Variants in EHMT2 observed in about 807,000 individuals in gnomAD.
EHMT2 encodes the protein euchromatic histone lysine methyltransferase 2, also known as histone-lysine N-methyltransferase EHMT2.
Under a neutral mutation model 143.3 loss-of-function variants are expected in EHMT2, and 59 were observed. The observed-to-expected ratio is 0.41, with a 90% CI of 0.33 to 0.51. The LOEUF is 0.51. Among genes scored for constraint, EHMT2 ranks in the 20% least tolerant of loss-of-function variants. EHMT2 has a pLI of 0.18. For missense variants in EHMT2, 1,174 were observed against 1,645.9 expected (o/e 0.71, Z 4.96); for synonymous variants, 604 against 651.5 (o/e 0.93, Z 1.11).
At position 31,889,495 on chromosome 6, in the gene EHMT2, A is replaced by G; in HGVS notation, c.972T>C (p.Asp324=). The G allele has an allele frequency of 6.2e-7, 1 of 1,612,296 alleles. No individual in the cohort carries two copies. Among genetic ancestry groups the G allele is most frequent in the Non-Finnish European group, 8.5e-7 (1 of 1,179,796 alleles). ...TATCTGACTGATTCCCTGACTCCTCATCTTCCTCTTCTTCTTCCTCTTCCT... is the reference window on the plus strand; with the variant it reads ...TATCTGACTGATTCCCTGACTCCTCGTCTTCCTCTTCTTCTTCCTCTTCCT... The change falls in exon 8 of 28, where the codon GAT becomes GAC. Residue 324 remains aspartate, a synonymous_variant. Transcript: ENST00000375537. This position sits in a 1 kb window ranked among gnomAD's most constrained non-coding sequence, Gnocchi z 5.1.
In EHMT2 at chr6:31,896,520, G is replaced by C. The variant is rs1562521607; in HGVS notation, c.329-4C>G. On this transcript the variant is annotated splice_polypyrimidine_tract_variant and splice_region_variant and intron_variant, in intron 3 of 27. Transcript: ENST00000375537. Reference sequence around the variant, plus strand: ...GGGAATGACTTTGTGGCATGGCCTAGAAAACAGGCAAGCAAAAGGCAAGAT... The same window carrying C: ...GGGAATGACTTTGTGGCATGGCCTACAAAACAGGCAAGCAAAAGGCAAGAT... 9 of 1,612,366 alleles carry C rather than the reference G, an allele frequency of 5.6e-6. No individual in the cohort carries two copies. Among genetic ancestry groups the C allele is most frequent in the African/African-American group, 1.3e-5 (1 of 74,996 alleles).
rs1029783761 is a variant in EHMT2, at chr6:31,881,333, T to A, written c.3198-241A>T. ...AGCTCTGTGGTTAAGGGGATTAATG[T>A]GTAGGGGCAGTTGGCCTGGGTGGGG... On this transcript the variant is annotated intron_variant, in intron 25 of 27. Coordinates refer to ENST00000375537, the Ensembl canonical transcript of EHMT2. This position sits in a 1 kb window ranked among gnomAD's most constrained non-coding sequence, Gnocchi z 4.8. 3.4e-6 allele frequency: 2 copies of A among 591,396 alleles called. No homozygotes were observed. The highest frequency in any genetic ancestry group is 5.8e-5 in the Admixed American group (2 of 34,190). 36.6% of individuals were successfully genotyped at this position (591,396 alleles called of 1,614,324 possible).
At position 31,889,409 on chromosome 6, in the gene EHMT2, C is replaced by A. The variant is rs1190845694; in HGVS notation, c.999+59G>T. On this transcript the variant is annotated intron_variant, in intron 8 of 27. Coordinates refer to ENST00000375537, the Ensembl canonical transcript of EHMT2. This position sits in a 1 kb window ranked among gnomAD's most constrained non-coding sequence, Gnocchi z 5.1. Reference sequence around the variant, plus strand: ...AGGGGCCCCCCCAACACCTTCAGGACCAGACCTCCAGCCCCATAGTCTCCC... The same window carrying A: ...AGGGGCCCCCCCAACACCTTCAGGAACAGACCTCCAGCCCCATAGTCTCCC... The A allele has an allele frequency of 1.4e-5, 22 of 1,608,082 alleles. No homozygotes were observed. The highest frequency in any genetic ancestry group is 1.7e-5 in the Admixed American group (1 of 59,612).
In EHMT2 at chr6:31,883,703, C is replaced by T. The variant is rs2151600211; in HGVS notation, c.2916+103G>A. Reference sequence around the variant, plus strand: ...ACCCCACACCAGGGCTCCCTTTCAGCCAACCCTTCCTTGGCCAGGTGCCTT... The same window carrying T: ...ACCCCACACCAGGGCTCCCTTTCAGTCAACCCTTCCTTGGCCAGGTGCCTT... On this transcript the variant is annotated intron_variant, in intron 22 of 27. Transcript: ENST00000375537. The surrounding 1 kb of genome is among the most constrained non-coding windows in gnomAD (Gnocchi z 5.6). 2.7e-6 allele frequency: 4 copies of T among 1,499,330 alleles called. No homozygotes were observed. The highest frequency in any genetic ancestry group is 4.8e-4 in the Middle Eastern group (2 of 4,204). The allele number at this position is 1,499,330 out of a possible 1,614,324, so 92.9% of individuals were successfully genotyped here. A position where few individuals can be genotyped will look rare whatever the true frequency, so the allele number is the denominator to read the frequency against.
intron 1 of EHMT2, 48 bp from the exon 2 acceptor site, chr6:31,897,037 G>C: frequency 6.6e-7 from 1 of 1,520,180 alleles, no homozygotes; most frequent in Non-Finnish European, 8.8e-7. Context: ...CCAGTAGAGA[G>C]TTGGGGGGTC....
intron 4 of EHMT2, among the ~76,000 whole-genome samples, chr6:31,893,856 G>A (rs932147437): frequency 1.3e-5 from 2 of 152,218 alleles, no homozygotes; most frequent in South Asian, 2.1e-4. Context: ...GGAGGGAATG[G>A]AGAGTTATGT....
intron 7 of EHMT2, among the ~76,000 whole-genome samples, chr6:31,890,313 A>G (rs948662643): frequency 6.6e-6 from 1 of 151,996 alleles, no homozygotes; most frequent in Non-Finnish European, 1.5e-5. Flanking sequence ...CTGCATTGCA[A>G]TGGTGTGATC....
At chr6:31,892,993 G>T in intron 4 of EHMT2, 83 bp from the exon 5 acceptor site, 4 of 853,114 alleles carry the variant, frequency 4.7e-6, no homozygotes, top group Non-Finnish European at 7.2e-6. Flanking sequence ...AGGCGGGGGT[G>T]GGGTAGTGAG....
At position 31,883,500 on chromosome 6, in the gene EHMT2, G is replaced by C. The variant is rs991263248; in HGVS notation, c.2917-61C>G. The C allele has an allele frequency of 1.4e-5, 22 of 1,519,328 alleles. No individual in the cohort carries two copies. The highest frequency in any genetic ancestry group is 2.0e-5 in the Non-Finnish European group (22 of 1,110,388). The allele number at this position is 1,519,328 out of a possible 1,614,324, so 94.1% of individuals were successfully genotyped here. A position where few individuals can be genotyped will look rare whatever the true frequency, so the allele number is the denominator to read the frequency against. ...GATCGGTCTGGGCCCCTCTACTCTT[G>C]ATGCCCCCTGACCCCCTAACCACTG... On this transcript the variant is annotated intron_variant, in intron 22 of 27. Coordinates refer to ENST00000375537, the Ensembl canonical transcript of EHMT2. This position sits in a 1 kb window ranked among gnomAD's most constrained non-coding sequence, Gnocchi z 5.6.
chr6:31,888,872 T>A lies in EHMT2; in HGVS notation c.1216+97A>T. 2 of 1,382,156 alleles carry A rather than the reference T, an allele frequency of 1.4e-6. No homozygotes were observed. Among genetic ancestry groups the A allele is most frequent in the Non-Finnish European group, 2.0e-6 (2 of 1,015,622 alleles). The allele number at this position is 1,382,156 out of a possible 1,614,324, so 85.6% of individuals were successfully genotyped here. A position where few individuals can be genotyped will look rare whatever the true frequency, so the allele number is the denominator to read the frequency against. ...CCCCAGAACCCCTAAAGCCTGGCCA[T>A]GGACACCCCGGCTCTGGCGTGGTTC... On this transcript the variant is annotated intron_variant, in intron 10 of 27. Coordinates refer to ENST00000375537, the Ensembl canonical transcript of EHMT2. This position sits in a 1 kb window ranked among gnomAD's most constrained non-coding sequence, Gnocchi z 7.4.
rs570109888 is a variant in EHMT2, at chr6:31,888,138, G to C, written c.1648C>G (p.Arg550Gly). 1.9e-6 allele frequency: 3 copies of C among 1,612,322 alleles called. No homozygotes were observed. Among genetic ancestry groups the C allele is most frequent in the Non-Finnish European group, 2.5e-6 (3 of 1,179,800 alleles). ...GCCGGTGGGGTCACCCCGTCACCCC[G>C]GGGGATGGTCACCTCTTGAGCTTCA... The change falls in exon 13 of 28, where the codon CGG becomes GGG. Residue 550 changes from arginine to glycine, a missense_variant. Arg to Gly is a moderately radical substitution (Grantham distance 125). Around this residue, in one of 6 missense-constraint regions of EHMT2, gnomAD observed 608 missense variants for 903.7 expected, o/e 0.67. Coordinates refer to ENST00000375537, the Ensembl canonical transcript of EHMT2. The surrounding 1 kb of genome is among the most constrained non-coding windows in gnomAD (Gnocchi z 7.4).
rs367718718 is a variant in EHMT2 at position 31,888,513 on chromosome 6, G to A, written c.1366-7C>T. The A allele has an allele frequency of 1.4e-4, 231 of 1,611,810 alleles. No homozygotes were observed. Among genetic ancestry groups the A allele is most frequent in the Middle Eastern group, 3.3e-4 (2 of 6,082 alleles). ...CGGCATTGCAGCCTGACAGCTGTGC[G>A]CAGTGAGGATGGGTGAGAAGAGAGC... On this transcript the variant is annotated splice_region_variant and splice_polypyrimidine_tract_variant and intron_variant, in intron 11 of 27. Coordinates refer to ENST00000375537, the Ensembl canonical transcript of EHMT2. This position sits in a 1 kb window ranked among gnomAD's most constrained non-coding sequence, Gnocchi z 7.4.
At chr6:31,894,335 T>C (rs1366568116) in intron 4 of EHMT2, among the ~76,000 whole-genome samples, 1 of 152,136 alleles carries the variant, frequency 6.6e-6, no homozygotes, top group East Asian at 1.9e-4. Flanking sequence ...TTAATAGAGA[T>C]GGGGTTTCAC....
exon 25 of EHMT2, chr6:31,882,763 T>C: frequency 6.2e-7 from 1 of 1,612,548 alleles, no homozygotes; most frequent in Non-Finnish European, 8.5e-7. Flanking sequence ...ATCTTGGCTG[T>C]TCGGTAGAGC....
intron 15 of EHMT2, 29 bp downstream of exon 15, chr6:31,887,548 G>A (rs1304962777): frequency 3.1e-6 from 5 of 1,606,002 alleles, no homozygotes; most frequent in African/African-American, 2.7e-5. Context: ...GCTTGGTCAA[G>A]GTCTGCTGAA....
rs185142184 is a variant in EHMT2, at chr6:31,885,270, G to A, written c.2344-254C>T. 5.5e-4 allele frequency: 231 copies of A among 419,960 alleles called. 6 individuals are homozygous for A. In the East Asian group the frequency reaches 8.3e-3, roughly 15 times the overall value. 26.0% of individuals were successfully genotyped at this position (419,960 alleles called of 1,614,324 possible). ...AGGCGGGCGGATCACGAGGTCAGGA[G>A]ATGGAGGCCATTGTGGCCAACACGG... On this transcript the variant is annotated intron_variant, in intron 18 of 27. Coordinates refer to ENST00000375537, the Ensembl canonical transcript of EHMT2.
chr6:31,879,801 G>A, exon 28 of EHMT2: 1 of 500,454 alleles, frequency 2.0e-6, no homozygotes, highest in Non-Finnish European at 3.6e-6. Flanking sequence ...AAAGGAACCA[G>A]TTGGCATAGA....
chr6:31,881,136 T>C lies in EHMT2; in HGVS notation c.3198-44A>G. On this transcript the variant is annotated intron_variant, in intron 25 of 27. Transcript: ENST00000375537. The surrounding 1 kb of genome is among the most constrained non-coding windows in gnomAD (Gnocchi z 4.8). ...TGGTTCTGAAGGTGAGTGTGGGCTA[T>C]TAGGAGGTGGCTCCAGGCCCCATCT... is the stretch of plus-strand genomic sequence containing the variant. 1 of 1,553,616 alleles carries C rather than the reference T, an allele frequency of 6.4e-7. No homozygotes were observed. Among genetic ancestry groups the C allele is most frequent in the South Asian group, 1.1e-5 (1 of 89,822 alleles).
In EHMT2 at chr6:31,881,215, G is replaced by A; in HGVS notation, c.3198-123C>T. On this transcript the variant is annotated intron_variant, in intron 25 of 27. Coordinates refer to ENST00000375537, the Ensembl canonical transcript of EHMT2. This position sits in a 1 kb window ranked among gnomAD's most constrained non-coding sequence, Gnocchi z 4.8. ...GGGCAGGGCTGGCAGGTGTGGGGAA[G>A]GGAAGGCCTGGAGCAGCAGTGGTGG... 1 of 843,350 alleles carries A rather than the reference G, an allele frequency of 1.2e-6. No homozygotes were observed. Among genetic ancestry groups the A allele is most frequent in the Non-Finnish European group, 2.0e-6 (1 of 501,044 alleles). The allele number at this position is 843,350 out of a possible 1,614,324, so 52.2% of individuals were successfully genotyped here. A position where few individuals can be genotyped will look rare whatever the true frequency, so the allele number is the denominator to read the frequency against.
Sources: gnomAD v4.1 joint callset for allele counts (sites outside exome capture counted in the v4.1 genomes callset) on GRCh38, gnomAD v4.1.1 for gene constraint, gnomAD v4.1.1 regional missense constraint, Gnocchi (gnomAD v3.1) non-coding constraint, MANE v1.5 for transcripts, NCBI Gene and HGNC (gene_info 2026-07-23, HGNC 2026-07-21) for gene names.